The following MAGI2 variants were observed in gnomAD, a reference collection of about 807,000 sequenced individuals.
MAGI2 encodes membrane-associated guanylate kinase, WW and PDZ domain-containing protein 2.
MAGI2 carries 35 observed loss-of-function variants against 133.3 expected under a neutral mutation model. The ratio of observed to expected loss-of-function variants is 0.26; its 90% confidence interval spans 0.20 to 0.35. The LOEUF (loss-of-function observed/expected upper bound fraction) is 0.35. MAGI2 is among the 10% of genes least tolerant of loss of function. The pLI is 1.00. For missense variants in MAGI2, 1,636 were observed against 1,863.4 expected (o/e 0.88, Z 2.25); for synonymous variants, 729 against 710.6 (o/e 1.03, Z -0.41).
At chr7:79,374,104 A>G (rs1009621849) in intron 1 of MAGI2, among the ~76,000 whole-genome samples, 1 of 152,048 alleles carries the variant, frequency 6.6e-6, no homozygotes, top group African/African-American at 2.4e-5. Context: ...TACATACCAA[A>G]CAATGCTATT....
chr7:78,910,071 T>A (rs1310115448), intron 2 of MAGI2, among the ~76,000 whole-genome samples: 1 of 151,488 alleles, frequency 6.6e-6, no homozygotes, highest in Non-Finnish European at 1.5e-5. Flanking sequence ...CATTCATAAG[T>A]GGGAGTTGAA....
At chr7:78,484,294 G>A (rs953184599) in intron 6 of MAGI2, 4 of 151,930 alleles carry the variant, frequency 2.6e-5, no homozygotes, top group Admixed American at 6.6e-5. Flanking sequence ...GGCGTATGCT[G>A]TCTTTGTTCA....
chr7:78,040,131 G>C (rs574220461), intron 21 of MAGI2, among the ~76,000 whole-genome samples: 1 of 152,364 alleles, frequency 6.6e-6, no homozygotes, highest in South Asian at 2.1e-4. Flanking sequence ...CGTGCAAATA[G>C]GCTGCTATTG....
At chr7:78,946,659 T>C (rs1263576687) in intron 2 of MAGI2, 2 of 152,204 alleles carry the variant, frequency 1.3e-5, no homozygotes, top group African/African-American at 4.8e-5. Flanking sequence ...CAAGTACTGC[T>C]TCTGGGTTAT....
intron 3 of MAGI2, among the ~76,000 whole-genome samples, chr7:78,585,124 C>G (rs1051816170): frequency 1.3e-5 from 2 of 152,128 alleles, no homozygotes; most frequent in Non-Finnish European, 2.9e-5. Context: ...TGGTAATAGT[C>G]TCAAAGTCAG....
chr7:78,805,358 T>G (rs1445437278), intron 2 of MAGI2, among the ~76,000 whole-genome samples: 1 of 152,138 alleles, frequency 6.6e-6, no homozygotes, highest in Non-Finnish European at 1.5e-5. Flanking sequence ...ATCATGTTCT[T>G]TCCTCTTTGT....
intron 2 of MAGI2, among the ~76,000 whole-genome samples, chr7:78,633,768 G>T (rs942410706): frequency 6.7e-6 from 1 of 149,368 alleles, no homozygotes; most frequent in African/African-American, 2.5e-5. Context: ...GCGATAAAAA[G>T]GTTCTTAGAT....
intron 6 of MAGI2, among the ~76,000 whole-genome samples, chr7:78,470,905 T>C (rs1791130733): frequency 6.6e-6 from 1 of 152,144 alleles, no homozygotes; most frequent in Non-Finnish European, 1.5e-5. Flanking sequence ...TCAGGATATG[T>C]GAAATTAACA....
intron 1 of MAGI2, among the ~76,000 whole-genome samples, chr7:79,450,192 ACAAAC>A (rs1849145564): frequency 6.6e-6 from 1 of 152,096 alleles, no homozygotes; most frequent in Non-Finnish European, 1.5e-5. Flanking sequence ...CAACTGCTAA[ACAAAC>A]CATGTTTAAG....
chr7:78,253,907 A>G (rs1448807651), intron 10 of MAGI2: 3 of 152,222 alleles, frequency 2.0e-5, no homozygotes, highest in Non-Finnish European at 4.4e-5. Flanking sequence ...ATAATAAGAT[A>G]AAGTGAATTT....
intron 21 of MAGI2, among the ~76,000 whole-genome samples, chr7:78,023,451 T>C (rs375907549): frequency 6.2e-4 from 94 of 152,166 alleles, no homozygotes; most frequent in African/African-American, 2.2e-3. Context: ...ATCATGTTCA[T>C]TTATGAGGTG....
At chr7:78,208,062 G>A (rs1438775987) in intron 10 of MAGI2, among the ~76,000 whole-genome samples, 1 of 149,136 alleles carries the variant, frequency 6.7e-6, no homozygotes, top group Non-Finnish European at 1.5e-5. Flanking sequence ...TAGAGAAGGG[G>A]TTTCACTATC....
At chr7:78,184,742 C>T (rs547266589) in intron 13 of MAGI2, 12 of 152,060 alleles carry the variant, frequency 7.9e-5, no homozygotes, top group East Asian at 1.9e-4. Context: ...TTAGTGTTTT[C>T]GAAATGGTTA....
rs187732196 is a variant in MAGI2, at chr7:78,099,686, T to C, written c.3568-20601A>G. On this transcript the variant is annotated intron_variant, in intron 20 of 21. Coordinates refer to ENST00000354212, the MANE Select transcript of MAGI2 (RefSeq NM_012301.4). ...CCAAGAAACAATACCTTTGTTAGCA[T>C]AGAAAGCTATGATATACTTCCTTGT... 2.1e-3 allele frequency among the ~76,000 whole-genome samples: 318 copies of C among 152,360 alleles called. 1 individual carries two copies. The highest frequency in any genetic ancestry group is 1.6e-3 in the Non-Finnish European group (110 of 68,036).
At chr7:78,803,250 C>T (rs1222363094) in intron 2 of MAGI2, among the ~76,000 whole-genome samples, 1 of 151,856 alleles carries the variant, frequency 6.6e-6, no homozygotes, top group Admixed American at 6.6e-5. Flanking sequence ...GTGTTAACTG[C>T]TAATAAGAGC....
intron 3 of MAGI2, among the ~76,000 whole-genome samples, chr7:78,523,894 A>G (rs1223847048): frequency 1.3e-5 from 2 of 152,152 alleles, no homozygotes; most frequent in African/African-American, 4.8e-5. Flanking sequence ...AAAAAATGGC[A>G]GAAACAAAGG....
intron 2 of MAGI2, among the ~76,000 whole-genome samples, chr7:78,642,913 T>G (rs75218634): frequency 0.044 from 6,650 of 152,210 alleles, 172 homozygotes; most frequent in South Asian, 0.06. Flanking sequence ...GTTCTAAAAA[T>G]TTTTGTTGTG....
chr7:78,997,999 T>C (rs1489918678), intron 2 of MAGI2, among the ~76,000 whole-genome samples: 1 of 152,210 alleles, frequency 6.6e-6, no homozygotes, highest in Non-Finnish European at 1.5e-5. Flanking sequence ...TTAAAAGCTT[T>C]GTATTTCTCA....
At chr7:79,149,780 C>A (rs1416376986) in intron 1 of MAGI2, among the ~76,000 whole-genome samples, 1 of 152,004 alleles carries the variant, frequency 6.6e-6, no homozygotes, top group African/African-American at 2.4e-5. Flanking sequence ...CACAAGGTTT[C>A]TTTTAAAAAT....
Sources: allele counts gnomAD v4.1 joint callset (sites outside exome capture counted in the v4.1 genomes callset), GRCh38; gene constraint gnomAD v4.1.1; transcripts MANE v1.5; gene names NCBI Gene and HGNC (gene_info 2026-07-23, HGNC 2026-07-21).